The following CR1L variants were observed in gnomAD, a reference collection of about 807,000 sequenced individuals.
The protein encoded by CR1L is complement C3b/C4b receptor 1 like.
CR1L carries 59 observed loss-of-function variants against 62.3 expected under a neutral mutation model. The ratio of observed to expected loss-of-function variants is 0.95; its 90% CI spans 0.77 to 1.18. The LOEUF (loss-of-function observed/expected upper bound fraction) is 1.18, where lower values mean the gene tolerates loss of function less well. Among genes scored for constraint, CR1L ranks in the 50% most tolerant of loss-of-function variants. The probability of loss-of-function intolerance (pLI) is 0.00; values close to 1 mark genes in which losing one functional copy is unlikely to be tolerated. For synonymous variants in CR1L, 279 were observed against 248.7 expected (o/e 1.12, Z -1.15); for missense variants, 700 against 702.8 (o/e 1.00, Z 0.04).
At chr1:207,668,276 A>G (rs575448819) in intron 1 of CR1L, among the ~76,000 whole-genome samples, 49 of 151,202 alleles carry the variant, frequency 3.2e-4, no homozygotes, top group Non-Finnish European at 5.6e-4. Flanking sequence ...CCAAGTGTTC[A>G]CCAATGGACG....
intron 9 of CR1L, among the ~76,000 whole-genome samples, chr1:207,707,252 G>A (rs1664281478): frequency 6.6e-6 from 1 of 152,188 alleles, no homozygotes; most frequent in African/African-American, 2.4e-5. Flanking sequence ...GCCCCATCAT[G>A]TTTGGGTCAG....
chr1:207,672,463 T>C (rs1219715390), intron 1 of CR1L, among the ~76,000 whole-genome samples: 1 of 140,506 alleles, frequency 7.1e-6, no homozygotes, highest in Non-Finnish European at 1.5e-5. Flanking sequence ...TTTTCTGATA[T>C]CAGAAAAGAT....
At chr1:207,706,281 C>T (rs11118425) in intron 9 of CR1L, among the ~76,000 whole-genome samples, 45,684 of 151,160 alleles carry the variant, frequency 0.3, 7,171 homozygotes, top group Middle Eastern at 0.42. Flanking sequence ...ATTAGCTGGG[C>T]GTGGTGGCGT....
intron 9 of CR1L, among the ~76,000 whole-genome samples, chr1:207,704,364 T>G (rs999584629): frequency 2.6e-5 from 4 of 152,056 alleles, no homozygotes; most frequent in Non-Finnish European, 5.9e-5. Context: ...TGAGGTGGAG[T>G]CTCTTCCTGG....
Position 207,697,526 on chromosome 1 carries a change from C to T in CR1L, c.886C>T (p.Leu296=), listed in dbSNP as rs1664120344. The change falls in exon 6 of 12, where the codon CTG becomes TTG. Residue 296 remains leucine, a synonymous_variant. Coordinates refer to ENST00000508064, the MANE Select transcript of CR1L (RefSeq NM_175710.2). ...SRVCQPPPDV[L]HAERTQRDKD... ...AGTATGTCAGCCACCTCCAGATGTC[C>T]TGCATGCTGAGCGTACCCAAAGGGA... 7 of 1,613,764 alleles carry T rather than the reference C, an allele frequency of 4.3e-6. No homozygotes were observed. Among genetic ancestry groups the T allele is most frequent in the African/African-American group, 1.3e-5 (1 of 75,018 alleles).
intron 1 of CR1L, among the ~76,000 whole-genome samples, chr1:207,646,050 T>C (rs574192437): frequency 1.3e-5 from 2 of 152,066 alleles, no homozygotes; most frequent in South Asian, 4.2e-4. Context: ...ACCATGCTTT[T>C]AGTGCCTTCT....
At position 207,645,292 on chromosome 1, in the gene CR1L, T is replaced by A. The variant is rs755475839; in HGVS notation, c.59T>A (p.Leu20His). 1.2e-6 allele frequency: 2 copies of A among 1,613,848 alleles called. No individual in the cohort carries two copies. The highest frequency in any genetic ancestry group is 2.7e-5 in the African/African-American group (2 of 74,920). The change falls in exon 1 of 12, where the codon CTT becomes CAT. Residue 20 changes from leucine to histidine, a missense_variant. Physicochemically the swap from Leu to His is moderately conservative, Grantham distance 99. Transcript: ENST00000508064. The part of the protein sequence containing the change: ...PFPSRRFPGL[L>H]LAALVLLLSS... ...CCTTCCCGGCGCTTTCCTGGGTTGC[T>A]TCTGGCGGCCCTGGTGTTGCTGCTG...
At chr1:207,678,094 C>A in intron 2 of CR1L, 104 bp from the exon 3 acceptor site, 1 of 980,730 alleles carries the variant, frequency 1.0e-6, no homozygotes, top group African/African-American at 1.6e-5. Context: ...ACCATCAGAA[C>A]TGCATGTGTT....
chr1:207,682,836 G>C (rs1221769694), intron 3 of CR1L, among the ~76,000 whole-genome samples: 1 of 152,036 alleles, frequency 6.6e-6, no homozygotes, highest in Admixed American at 6.5e-5. Flanking sequence ...CCAAATTTAT[G>C]GCACACTTTG....
At chr1:207,688,543 T>G (rs1187633177) in intron 4 of CR1L, among the ~76,000 whole-genome samples, 1 of 152,204 alleles carries the variant, frequency 6.6e-6, no homozygotes. Flanking sequence ...ATCTTCAAGA[T>G]TTACTTGGTG....
chr1:207,648,055 T>A (rs1019027584), intron 1 of CR1L, among the ~76,000 whole-genome samples: 1 of 151,634 alleles, frequency 6.6e-6, no homozygotes, highest in Non-Finnish European at 1.5e-5. Flanking sequence ...TCCCAGCTAC[T>A]TGGGAGGCTG....
At chr1:207,720,944 G>C (rs147593187) in intron 11 of CR1L, among the ~76,000 whole-genome samples, 1 of 152,096 alleles carries the variant, frequency 6.6e-6, no homozygotes, top group East Asian at 1.9e-4. Context: ...TCTCTCAATA[G>C]TCTCCCCACC....
intron 10 of CR1L, among the ~76,000 whole-genome samples, chr1:207,715,155 C>T (rs1211581943): frequency 6.6e-6 from 1 of 152,112 alleles, no homozygotes; most frequent in Non-Finnish European, 1.5e-5. Flanking sequence ...AATTCAGATC[C>T]CTAATGAACT....
chr1:207,672,453 T>C (rs1663627954), intron 1 of CR1L, among the ~76,000 whole-genome samples: 1 of 141,752 alleles, frequency 7.1e-6, no homozygotes, highest in Admixed American at 6.8e-5. Flanking sequence ...CACCTTTATC[T>C]TTTCTGATAT....
At chr1:207,664,651 G>C (rs1663484933) in intron 1 of CR1L, among the ~76,000 whole-genome samples, 1 of 152,156 alleles carries the variant, frequency 6.6e-6, no homozygotes, top group Non-Finnish European at 1.5e-5. Flanking sequence ...TTAACTATAA[G>C]CATTTCATAA....
intron 1 of CR1L, among the ~76,000 whole-genome samples, chr1:207,664,919 G>A (rs1312622938): frequency 6.6e-6 from 1 of 152,120 alleles, no homozygotes. Context: ...AGAGGAAGAT[G>A]TAAATTATGT....
At chr1:207,703,979 G>GA (rs930417844) in intron 9 of CR1L, among the ~76,000 whole-genome samples, 29 of 149,694 alleles carry the variant, frequency 1.9e-4, no homozygotes, top group East Asian at 4.0e-4. Context: ...AAAAGAAAAG[G>GA]AAAAAAAAAT....
At chr1:207,713,672 C>T (rs982468760) in intron 10 of CR1L, among the ~76,000 whole-genome samples, 20 of 152,256 alleles carry the variant, frequency 1.3e-4, no homozygotes, top group Admixed American at 5.2e-4. Context: ...GGCACAGGAG[C>T]GGGCTCCGTG....
chr1:207,721,865 C>CT (rs1165704992), intron 11 of CR1L, among the ~76,000 whole-genome samples: 2 of 126,794 alleles, frequency 1.6e-5, no homozygotes, highest in African/African-American at 6.0e-5. Context: ...TGTTTCCTGA[C>CT]TTTTTAATGA....
Sources: gnomAD v4.1 joint callset for allele counts (sites outside exome capture counted in the v4.1 genomes callset) on GRCh38, gnomAD v4.1.1 for gene constraint, MANE v1.5 for transcripts, NCBI Gene and HGNC (gene_info 2026-07-23, HGNC 2026-07-21) for gene names.